STK31: variants seen among roughly 807,000 people sequenced by gnomAD.
The protein encoded by STK31 is serine/threonine kinase 31, also known as serine/threonine-protein kinase 31.
STK31 carries 89 observed loss-of-function variants against 129.7 expected under a neutral mutation model. The observed-to-expected ratio is 0.69, with a 90% confidence interval of 0.58 to 0.82. The LOEUF is 0.82. STK31 is among the 40% of genes least tolerant of loss of function. The pLI, the probability that STK31 is intolerant of heterozygous loss-of-function variation, is 0.00. For synonymous variants in STK31, 448 were observed against 395.3 expected, an observed-to-expected ratio of 1.13 and a Z score of -1.58; for missense variants, 1,187 against 1,176.4, an observed-to-expected ratio of 1.01 and a Z score of -0.13.
chr7:23,710,530 C>T (rs1785879115), intron 1 of STK31, 195 bp downstream of exon 1: 8 of 1,440,562 alleles, frequency 5.6e-6, no homozygotes, highest in African/African-American at 1.4e-5. Context: ...GAAAGTGGCT[C>T]GAAAAGACCT....
intron 22 of STK31, among the ~76,000 whole-genome samples, chr7:23,809,984 C>A (rs1341071889): frequency 1.3e-5 from 2 of 152,154 alleles, no homozygotes; most frequent in Admixed American, 6.5e-5. Flanking sequence ...AACAGCACGA[C>A]TGTTGTTTTG....
intron 15 of STK31, among the ~76,000 whole-genome samples, chr7:23,780,962 A>G (rs551870683): frequency 4.5e-4 from 68 of 152,340 alleles, no homozygotes; most frequent in Admixed American, 2.9e-3. Context: ...TCACAAAAGC[A>G]TACATACTTT....
chr7:23,758,147 G>GT (rs1789220004), intron 10 of STK31, among the ~76,000 whole-genome samples: 1 of 152,138 alleles, frequency 6.6e-6, no homozygotes, highest in South Asian at 2.1e-4. Flanking sequence ...CATTGACACA[G>GT]TAACAGTCTG....
chr7:23,769,749 C>G lies in STK31; in HGVS notation c.1706C>G (p.Ala569Gly). ...AGTGTCTGCAAAGAGCTGGAGATAG[C>G]TCTGGTTGTGAGTATCGATATTCTT... ...ESSVCKELEI[A>G]LVDQGDADKE... The change falls in exon 13 of 24, where the codon GCT becomes GGT. Residue 569 changes from alanine to glycine, a missense_variant. Physicochemically the swap from Ala to Gly is moderately conservative, Grantham distance 60. Transcript: ENST00000355870. 6.3e-7 allele frequency: 1 copy of G among 1,599,082 alleles called. No homozygotes were observed. Among genetic ancestry groups the G allele is most frequent in the Non-Finnish European group, 8.6e-7 (1 of 1,169,318 alleles).
At position 23,832,432 on chromosome 7, in the gene STK31, T is replaced by C. The variant is rs1464092002; in HGVS notation, c.*66T>C. 38 of 1,146,092 alleles carry C rather than the reference T, an allele frequency of 3.3e-5. No homozygotes were observed. Among genetic ancestry groups the C allele is most frequent in the East Asian group, 2.6e-4 (11 of 42,700 alleles). The allele number at this position is 1,146,092 out of a possible 1,614,324, so 71.0% of individuals were successfully genotyped here. The stretch of plus-strand genomic sequence containing the variant: ...TTGGTTTGGTTAATACACAGAAATA[T>C]CTAGAAATGTTCTGGGACTAGTTGA... On this transcript the variant is annotated 3_prime_UTR_variant, in exon 24 of 24. Transcript: ENST00000355870.
At chr7:23,794,228 A>G (rs1791812440) in intron 22 of STK31, among the ~76,000 whole-genome samples, 1 of 152,148 alleles carries the variant, frequency 6.6e-6, no homozygotes, top group Non-Finnish European at 1.5e-5. Flanking sequence ...TCATGGGGGT[A>G]GTTTCCCCCA....
intron 11 of STK31, 40 bp downstream of exon 11, chr7:23,762,963 A>C: frequency 6.8e-7 from 1 of 1,463,050 alleles, no homozygotes; most frequent in Non-Finnish European, 9.1e-7. Flanking sequence ...TTAAATTGTA[A>C]GTTTATTTAA....
chr7:23,792,158 A>G (rs999718577), intron 22 of STK31, among the ~76,000 whole-genome samples: 8 of 152,180 alleles, frequency 5.3e-5, no homozygotes, highest in South Asian at 2.1e-4. Context: ...CAAAAAAAGA[A>G]ATAAAAGTCA....
chr7:23,755,836 T>C (rs1789038798), intron 10 of STK31, among the ~76,000 whole-genome samples: 1 of 152,192 alleles, frequency 6.6e-6, no homozygotes, highest in African/African-American at 2.4e-5. Context: ...GAGGTTTCTG[T>C]TCTGCTCCAT....
At chr7:23,808,766 A>C in intron 22 of STK31, among the ~76,000 whole-genome samples, 1 of 152,168 alleles carries the variant, frequency 6.6e-6, no homozygotes, top group East Asian at 1.9e-4. Flanking sequence ...GCTGCTGGGT[A>C]GGGCTGAAAG....
intron 23 of STK31, among the ~76,000 whole-genome samples, chr7:23,823,415 A>G (rs1584504171): frequency 6.6e-6 from 1 of 152,240 alleles, no homozygotes; most frequent in East Asian, 1.9e-4. Context: ...GTGTCTGTTC[A>G]TATCCTTCAT....
At chr7:23,720,037 T>G (rs1786596012) in intron 4 of STK31, among the ~76,000 whole-genome samples, 1 of 152,150 alleles carries the variant, frequency 6.6e-6, no homozygotes, top group Non-Finnish European at 1.5e-5. Context: ...CAGGCCTTAC[T>G]AGGAAAACAA....
In STK31 at chr7:23,786,901, G is replaced by A; in HGVS notation, c.2464G>A (p.Ala822Thr). ...YPRANLNAVQ[A>T]NMPLNSEETL... ...TAGGGCAAACCTGAATGCTGTTCAA[G>A]CCAACATGCCTTTAAATTCAGAAGT... The change falls in exon 20 of 24, where the codon GCC becomes ACC. Residue 822 changes from alanine (A) to threonine (T), a missense_variant. By Grantham distance (58) the Ala-to-Thr change is moderately conservative. Around this residue, in one of 5 missense-constraint regions of STK31, gnomAD observed 975 missense variants for 934.9 expected, o/e 1.04. Transcript: ENST00000355870. The A allele has an allele frequency of 6.2e-7, 1 of 1,613,810 alleles. No homozygotes were observed.
intron 23 of STK31, among the ~76,000 whole-genome samples, chr7:23,820,351 G>C (rs950036976): frequency 1.3e-5 from 2 of 152,160 alleles, no homozygotes; most frequent in Non-Finnish European, 2.9e-5. Context: ...TTTGGTTGCA[G>C]ATGTGGAAAC....
chr7:23,739,622 C>G (rs1787935090), intron 8 of STK31, among the ~76,000 whole-genome samples: 2 of 152,160 alleles, frequency 1.3e-5, no homozygotes, highest in African/African-American at 4.8e-5. Context: ...ACATTTAAGT[C>G]TTTAATCCAT....
intron 23 of STK31, among the ~76,000 whole-genome samples, chr7:23,827,235 A>C (rs996200559): frequency 1.3e-5 from 2 of 152,198 alleles, no homozygotes; most frequent in Non-Finnish European, 2.9e-5. Context: ...GAGGTACACC[A>C]ATTAGACGTA....
chr7:23,825,235 T>C (rs1025637086), intron 23 of STK31, among the ~76,000 whole-genome samples: 1 of 152,196 alleles, frequency 6.6e-6, no homozygotes, highest in Non-Finnish European at 1.5e-5. Context: ...TCCTGGACTT[T>C]TTTTGGTTGG....
At chr7:23,759,613 G>C (rs1183032047) in intron 10 of STK31, among the ~76,000 whole-genome samples, 1 of 152,172 alleles carries the variant, frequency 6.6e-6, no homozygotes. Flanking sequence ...TGGTGATTGT[G>C]GATAAGGGGT....
intron 6 of STK31, among the ~76,000 whole-genome samples, chr7:23,733,624 T>C (rs1304181304): frequency 6.6e-6 from 1 of 151,784 alleles, no homozygotes; most frequent in African/African-American, 2.4e-5. Flanking sequence ...CTGGCTAACA[T>C]GGTGAAACCC....
Sources: gnomAD v4.1 joint callset for allele counts (sites outside exome capture counted in the v4.1 genomes callset) on GRCh38, gnomAD v4.1.1 for gene constraint, gnomAD v4.1.1 regional missense constraint, MANE v1.5 for transcripts, NCBI Gene and HGNC (gene_info 2026-07-23, HGNC 2026-07-21) for gene names.